ZNF827: variants seen among roughly 807,000 people sequenced by gnomAD.
ZNF827 encodes zinc finger protein 827.
Under a neutral mutation model 102.4 loss-of-function variants are expected in ZNF827, and 13 were observed. The ratio of observed to expected loss-of-function variants is 0.13; its 90% confidence interval spans 0.08 to 0.20. The LOEUF is 0.20. ZNF827 is among the 10% of genes least tolerant of loss of function. The pLI is 1.00. For missense variants in ZNF827, 1,103 were observed against 1,344.4 expected (o/e 0.82, Z 2.81); for synonymous variants, 523 against 536.2 (o/e 0.98, Z 0.34).
chr4:145,860,896 T>C (rs962916627), intron 5 of ZNF827, among the ~76,000 whole-genome samples: 1 of 152,266 alleles, frequency 6.6e-6, no homozygotes, highest in East Asian at 1.9e-4. Flanking sequence ...GTGAAATTTC[T>C]ATTCTTGGGC....
At chr4:145,774,434 G>C in intron 11 of ZNF827, 72 bp downstream of exon 11, 1 of 1,522,230 alleles carries the variant, frequency 6.6e-7, no homozygotes. Context: ...GGGATGCTTC[G>C]GCCAGGTGGC....
chr4:145,869,284 C>T (rs2126751505), intron 5 of ZNF827, among the ~76,000 whole-genome samples: 1 of 152,272 alleles, frequency 6.6e-6, no homozygotes, highest in South Asian at 2.1e-4. Context: ...TCTTACTTTC[C>T]AACCCACTAG....
At chr4:145,804,588 T>C (rs1300982904) in intron 8 of ZNF827, among the ~76,000 whole-genome samples, 1 of 152,248 alleles carries the variant, frequency 6.6e-6, no homozygotes, top group African/African-American at 2.4e-5. Context: ...AAAGTGATTT[T>C]GACATCTGAA....
intron 2 of ZNF827, among the ~76,000 whole-genome samples, chr4:145,896,991 C>G (rs945189733): frequency 6.6e-6 from 1 of 152,120 alleles, no homozygotes; most frequent in African/African-American, 2.4e-5. Context: ...AGTTTTAAAA[C>G]ACTGAGCTAC....
intron 5 of ZNF827, among the ~76,000 whole-genome samples, chr4:145,860,882 CT>C (rs1311450903): frequency 6.6e-6 from 1 of 152,192 alleles, no homozygotes; most frequent in African/African-American, 2.4e-5. Flanking sequence ...AAACAATTCT[CT>C]TTGTGAAATT....
intron 5 of ZNF827, among the ~76,000 whole-genome samples, chr4:145,862,552 T>C (rs1747832298): frequency 6.6e-6 from 1 of 152,160 alleles, no homozygotes; most frequent in Admixed American, 6.5e-5. Context: ...TTGCTCACGG[T>C]GTGTATGGCA....
chr4:145,861,736 T>C (rs1314478831), intron 5 of ZNF827, among the ~76,000 whole-genome samples: 3 of 152,076 alleles, frequency 2.0e-5, no homozygotes, highest in Non-Finnish European at 2.9e-5. Context: ...CCCTGCTGCG[T>C]CCAGACCCCT....
chr4:145,841,607 C>G (rs1560986474), intron 7 of ZNF827, among the ~76,000 whole-genome samples: 3 of 152,152 alleles, frequency 2.0e-5, no homozygotes, highest in Admixed American at 6.5e-5. Flanking sequence ...AGACCCACAG[C>G]CTTCTTTACA....
At chr4:145,827,681 C>T (rs551411888) in intron 7 of ZNF827, among the ~76,000 whole-genome samples, 13 of 152,314 alleles carry the variant, frequency 8.5e-5, no homozygotes, top group Admixed American at 7.8e-4. Flanking sequence ...CCTTCTGGTA[C>T]CCAGATTAGC....
At position 145,764,789 on chromosome 4, in the gene ZNF827, A is replaced by G. The variant is rs1021484673; in HGVS notation, c.3230+199T>C. 54 of 663,310 alleles carry G rather than the reference A, an allele frequency of 8.1e-5. No individual in the cohort carries two copies. The Admixed American group carries it at 1.4e-3, about 17-fold the overall frequency. The allele number at this position is 663,310 out of a possible 1,614,324, so 41.1% of individuals were successfully genotyped here. ...GGGTATTTGCAAAATGGATTCTCCT[A>G]CTGACATCTGTTGACACCCTAGGGG... On this transcript the variant is annotated intron_variant, in intron 13 of 14. Transcript: ENST00000508784.
At chr4:145,835,503 A>G (rs1334000721) in intron 7 of ZNF827, among the ~76,000 whole-genome samples, 1 of 150,374 alleles carries the variant, frequency 6.7e-6, no homozygotes, top group Non-Finnish European at 1.5e-5. Context: ...CAGTTCCCTT[A>G]TTAGGCTGAG....
intron 5 of ZNF827, among the ~76,000 whole-genome samples, chr4:145,856,985 G>GCA (rs70956877): frequency 0.21 from 29,521 of 140,010 alleles, 3,735 homozygotes; most frequent in East Asian, 0.6. Context: ...GCACGCGCAC[G>GCA]CACACACACA....
intron 1 of ZNF827, among the ~76,000 whole-genome samples, chr4:145,922,356 T>C (rs1160727250): frequency 6.6e-6 from 1 of 152,198 alleles, no homozygotes; most frequent in African/African-American, 2.4e-5. Flanking sequence ...TATTACTCCA[T>C]TGACATCTGT....
chr4:145,891,356 A>G (rs1362271701), intron 3 of ZNF827, among the ~76,000 whole-genome samples: 1 of 152,250 alleles, frequency 6.6e-6, no homozygotes, highest in Non-Finnish European at 1.5e-5. Context: ...AAGTTGCATA[A>G]TAAGATTTCA....
chr4:145,812,005 C>T (rs1002134609), intron 8 of ZNF827, among the ~76,000 whole-genome samples: 1 of 152,002 alleles, frequency 6.6e-6, no homozygotes, highest in Admixed American at 6.6e-5. Flanking sequence ...ACCTCCACCT[C>T]CTGGGTTCAA....
At chr4:145,772,965 T>A (rs1736511412) in intron 11 of ZNF827, among the ~76,000 whole-genome samples, 1 of 152,218 alleles carries the variant, frequency 6.6e-6, no homozygotes, top group Non-Finnish European at 1.5e-5. Context: ...GTCCAGCTTC[T>A]GCCTAGCCAT....
At chr4:145,826,792 G>C (rs1048774519) in intron 7 of ZNF827, among the ~76,000 whole-genome samples, 3 of 151,842 alleles carry the variant, frequency 2.0e-5, no homozygotes, top group Admixed American at 6.6e-5. Context: ...TGTTGCCCAG[G>C]CTGGAGTGCA....
chr4:145,877,468 T>C (rs1749242541), intron 4 of ZNF827, among the ~76,000 whole-genome samples: 1 of 152,340 alleles, frequency 6.6e-6, no homozygotes, highest in Admixed American at 6.5e-5. Context: ...ATGGAATGTT[T>C]AGAACATTTG....
At chr4:145,769,483 T>TGG (rs1735919833) in intron 11 of ZNF827, among the ~76,000 whole-genome samples, 1 of 152,214 alleles carries the variant, frequency 6.6e-6, no homozygotes, top group Non-Finnish European at 1.5e-5. Flanking sequence ...TAAACATAGA[T>TGG]TCAAGTACCC....
Sources: allele counts gnomAD v4.1 joint callset (sites outside exome capture counted in the v4.1 genomes callset), GRCh38; gene constraint gnomAD v4.1.1; transcripts MANE v1.5; gene names NCBI Gene and HGNC (gene_info 2026-07-23, HGNC 2026-07-21).